LRRTM3: variants seen among roughly 807,000 people sequenced by gnomAD.
LRRTM3 encodes leucine-rich repeat transmembrane neuronal protein 3.
LRRTM3 carries 24 observed loss-of-function variants against 44.7 expected under a neutral mutation model. The observed-to-expected ratio is 0.54, with a 90% confidence interval of 0.39 to 0.76. LRRTM3 has a LOEUF of 0.76. Among genes scored for constraint, LRRTM3 ranks in the 30% least tolerant of loss-of-function variants. The pLI is 0.00. For missense variants in LRRTM3, 587 were observed against 702.2 expected (o/e 0.84, Z 1.85); for synonymous variants, 277 against 278.7 (o/e 0.99, Z 0.06).
At chr10:66,975,550 C>T (rs535458350) in intron 2 of LRRTM3, among the ~76,000 whole-genome samples, 6 of 152,138 alleles carry the variant, frequency 3.9e-5, no homozygotes, top group Admixed American at 2.0e-4. Flanking sequence ...AATTGGGAAG[C>T]GGTCTGTCTT....
At chr10:67,080,136 T>C (rs1004937) in intron 2 of LRRTM3, among the ~76,000 whole-genome samples, 97 of 152,268 alleles carry the variant, frequency 6.4e-4, no homozygotes, top group African/African-American at 2.3e-3. Flanking sequence ...CAAGTGCTTG[T>C]ATTTCGTTAA....
intron 2 of LRRTM3, among the ~76,000 whole-genome samples, chr10:66,969,039 A>G (rs1308535108): frequency 1.3e-5 from 2 of 151,852 alleles, no homozygotes; most frequent in East Asian, 1.9e-4. Flanking sequence ...TAAATAAACA[A>G]ATATTATATG....
chr10:67,074,952 C>T (rs1856671152), intron 2 of LRRTM3, among the ~76,000 whole-genome samples: 1 of 152,088 alleles, frequency 6.6e-6, no homozygotes, highest in Non-Finnish European at 1.5e-5. Context: ...CTCTCTACCT[C>T]CCTTTTGCAT....
intron 2 of LRRTM3, among the ~76,000 whole-genome samples, chr10:67,007,609 GC>G (rs1852073167): frequency 1.3e-5 from 2 of 151,744 alleles, no homozygotes; most frequent in Admixed American, 1.3e-4. Context: ...TAAGGTAAAG[GC>G]TTTTTTCTGA....
rs139569304 is a variant in LRRTM3 at position 67,094,967 on chromosome 10, T to C, written c.1537-2620T>C. 5.3e-3 allele frequency among the ~76,000 whole-genome samples: 809 copies of C among 151,764 alleles called. 5 individuals carry two copies. Among genetic ancestry groups the C allele is most frequent in the African/African-American group, 0.018 (767 of 41,522 alleles). On this transcript the variant is annotated intron_variant, in intron 2 of 2. Coordinates refer to ENST00000361320, the MANE Select transcript of LRRTM3 (RefSeq NM_178011.5). ...CACCAAAATTTGCATTTTCCATACC[T>C]GATTTAAATGATTTTGAAACTATAA...
intron 2 of LRRTM3, among the ~76,000 whole-genome samples, chr10:66,955,714 A>G (rs979751822): frequency 6.6e-6 from 1 of 152,170 alleles, no homozygotes; most frequent in African/African-American, 2.4e-5. Context: ...ACTGGAGATC[A>G]GCCTCCATTG....
At chr10:67,037,721 T>C (rs1167949200) in intron 2 of LRRTM3, among the ~76,000 whole-genome samples, 1 of 152,064 alleles carries the variant, frequency 6.6e-6, no homozygotes, top group African/African-American at 2.4e-5. Flanking sequence ...ACTAAATAGG[T>C]GTAGGTGGTG....
chr10:67,044,160 G>A (rs1854581523), intron 2 of LRRTM3, among the ~76,000 whole-genome samples: 1 of 151,892 alleles, frequency 6.6e-6, no homozygotes, highest in Admixed American at 6.6e-5. Context: ...TGTACCCCAT[G>A]GCTAGCTCTC....
Position 66,943,367 on chromosome 10 carries a change from G to T in LRRTM3, c.1536+14915G>T, listed in dbSNP as rs143301487. ...TTTACACTTTAACACATCTGAGAGA[G>T]AAATTACTCTTAAATTAGAAACTGA... On this transcript the variant is annotated intron_variant, in intron 2 of 2. Coordinates refer to ENST00000361320, the MANE Select transcript of LRRTM3 (RefSeq NM_178011.5). 8.7e-3 allele frequency among the ~76,000 whole-genome samples: 1,318 copies of T among 152,158 alleles called. 19 individuals carry two copies. Among genetic ancestry groups the T allele is most frequent in the African/African-American group, 0.03 (1,239 of 41,536 alleles).
chr10:66,978,459 G>A (rs113977773), intron 2 of LRRTM3, among the ~76,000 whole-genome samples: 147 of 145,990 alleles, frequency 1.0e-3, no homozygotes, highest in African/African-American at 3.5e-3. Context: ...CCTGGGAGGC[G>A]GAGGTTGCAG....
At chr10:66,929,801 G>A (rs1473847164) in intron 2 of LRRTM3, among the ~76,000 whole-genome samples, 6 of 152,180 alleles carry the variant, frequency 3.9e-5, no homozygotes, top group East Asian at 1.9e-4. Flanking sequence ...ACTGCAGCAC[G>A]AATATCATAG....
chr10:66,993,454 T>C (rs1272320937), intron 2 of LRRTM3, among the ~76,000 whole-genome samples: 1 of 152,264 alleles, frequency 6.6e-6, no homozygotes, highest in East Asian at 1.9e-4. Flanking sequence ...AGTGTTGTGA[T>C]CATCTTTGGA....
chr10:67,051,292 T>C (rs1046211590), intron 2 of LRRTM3, among the ~76,000 whole-genome samples: 3 of 152,184 alleles, frequency 2.0e-5, no homozygotes, highest in Non-Finnish European at 4.4e-5. Flanking sequence ...CTCTTACACC[T>C]AACCTTAAAT....
chr10:67,043,135 CTTTT>C (rs34946963), intron 2 of LRRTM3, among the ~76,000 whole-genome samples: 1 of 103,754 alleles, frequency 9.6e-6, no homozygotes. Context: ...CACTTTCTTT[CTTTT>C]TTTTTTTTTT....
chr10:67,015,283 T>C (rs1852589346), intron 2 of LRRTM3: 3 of 152,210 alleles, frequency 2.0e-5, no homozygotes, highest in Admixed American at 2.0e-4. Context: ...ATAGATTTGA[T>C]GCTAACCATC....
rs960451550 is a variant in LRRTM3 at position 67,020,049 on chromosome 10, T to C, written c.1537-77538T>C. ...TCCCTCACTGTGTCAAGAAGTACAG[T>C]AGTTTAGATTCTACCAAGGTCACCT... On this transcript the variant is annotated intron_variant, in intron 2 of 2. Coordinates refer to ENST00000361320, the MANE Select transcript of LRRTM3 (RefSeq NM_178011.5). Among the ~76,000 whole-genome samples the C allele has an allele frequency of 4.1e-5, 6 of 147,204 alleles. No homozygotes were observed. The South Asian group carries it at 6.6e-4, about 16-fold the overall frequency.
intron 2 of LRRTM3, among the ~76,000 whole-genome samples, chr10:66,937,891 T>C (rs548768254): frequency 2.6e-5 from 4 of 151,984 alleles, no homozygotes; most frequent in African/African-American, 9.6e-5. Flanking sequence ...CTCTTTTCTG[T>C]TTTTTTTCCC....
At chr10:67,073,789 C>A (rs948315799) in intron 2 of LRRTM3, among the ~76,000 whole-genome samples, 1 of 152,042 alleles carries the variant, frequency 6.6e-6, no homozygotes, top group African/African-American at 2.4e-5. Context: ...ATGAAAAATG[C>A]TAAGCATAAT....
chr10:66,985,186 A>G (rs1303458749), intron 2 of LRRTM3, among the ~76,000 whole-genome samples: 3 of 152,204 alleles, frequency 2.0e-5, no homozygotes, highest in African/African-American at 7.2e-5. Context: ...GTCATGGGTG[A>G]GTAAAAAACA....
Sources: gnomAD v4.1 joint callset for allele counts (sites outside exome capture counted in the v4.1 genomes callset) on GRCh38, gnomAD v4.1.1 for gene constraint, MANE v1.5 for transcripts, NCBI Gene and HGNC (gene_info 2026-07-23, HGNC 2026-07-21) for gene names.